The following LRRC72 variants were observed in gnomAD, a reference collection of about 807,000 sequenced individuals.
The protein encoded by LRRC72 is leucine-rich repeat-containing protein 72.
Under a neutral mutation model 35.8 loss-of-function variants are expected in LRRC72, and 41 were observed. The observed-to-expected ratio is 1.15, with a 90% confidence interval of 0.89 to 1.49. LRRC72 has a LOEUF of 1.49. LRRC72 is among the 40% of genes most tolerant of loss of function. LRRC72 has a pLI of 0.00. For missense variants in LRRC72, 389 were observed against 330.7 expected, an observed-to-expected ratio of 1.18 and a Z score of -1.37; for synonymous variants, 118 against 119.2, an observed-to-expected ratio of 0.99 and a Z score of 0.07.
chr7:16,565,565 T>A (rs1431202533), intron 5 of LRRC72, among the ~76,000 whole-genome samples: 2 of 152,188 alleles, frequency 1.3e-5, no homozygotes, highest in African/African-American at 4.8e-5. Context: ...CAACTTCTAG[T>A]TGAGGATGTT....
chr7:16,575,975 A>G (rs998567975), intron 7 of LRRC72, among the ~76,000 whole-genome samples: 1 of 152,064 alleles, frequency 6.6e-6, no homozygotes, highest in Admixed American at 6.6e-5. Context: ...AATTCTCTTT[A>G]CTCCTTTTCA....
chr7:16,549,038 T>C (rs1411851457), intron 3 of LRRC72, among the ~76,000 whole-genome samples: 1 of 152,164 alleles, frequency 6.6e-6, no homozygotes, highest in African/African-American at 2.4e-5. Flanking sequence ...GCTCAGCAAA[T>C]GTTTGCTGAG....
At chr7:16,559,358 G>T (rs975671467) in intron 5 of LRRC72, among the ~76,000 whole-genome samples, 1 of 151,458 alleles carries the variant, frequency 6.6e-6, no homozygotes, top group African/African-American at 2.4e-5. Context: ...CGCGCCACTG[G>T]ACTCTATCCT....
chr7:16,530,186 C>T (rs906451009), intron 1 of LRRC72: 3 of 152,168 alleles, frequency 2.0e-5, no homozygotes, highest in Non-Finnish European at 4.4e-5. Flanking sequence ...AATTGACTCA[C>T]TTGATTACGG....
At chr7:16,553,812 C>T (rs969683340) in intron 3 of LRRC72, among the ~76,000 whole-genome samples, 2 of 152,068 alleles carry the variant, frequency 1.3e-5, no homozygotes, top group African/African-American at 4.8e-5. Flanking sequence ...ACATTTGTAC[C>T]TAGTAGTACC....
chr7:16,536,677 G>T (rs1782264211), intron 2 of LRRC72, among the ~76,000 whole-genome samples: 1 of 151,988 alleles, frequency 6.6e-6, no homozygotes, highest in Non-Finnish European at 1.5e-5. Context: ...TTTAGAAATG[G>T]TTGCATGCTT....
intron 7 of LRRC72, among the ~76,000 whole-genome samples, chr7:16,574,459 C>T (rs1421161325): frequency 6.6e-6 from 1 of 152,162 alleles, no homozygotes; most frequent in South Asian, 2.1e-4. Flanking sequence ...CCATGGAATA[C>T]TATGCAGCCA....
At chr7:16,577,377 C>G (rs775215949) in intron 7 of LRRC72, among the ~76,000 whole-genome samples, 8 of 151,840 alleles carry the variant, frequency 5.3e-5, no homozygotes, top group Non-Finnish European at 1.0e-4. Flanking sequence ...ATACCATATA[C>G]AAAAATAGAT....
At chr7:16,556,799 A>C (rs560281887) in intron 3 of LRRC72, among the ~76,000 whole-genome samples, 5 of 152,368 alleles carry the variant, frequency 3.3e-5, no homozygotes, top group African/African-American at 1.2e-4. Flanking sequence ...GATTTCTGCA[A>C]GTGAAAACGT....
At chr7:16,527,069 A>G (rs1230422640) in intron 1 of LRRC72, 27 bp downstream of exon 1, 1 of 1,530,364 alleles carries the variant, frequency 6.5e-7, no homozygotes, top group Non-Finnish European at 8.8e-7. Context: ...TTCCCAAGCC[A>G]TCAGCCCCTT....
chr7:16,566,197 A>C, intron 5 of LRRC72, 116 bp from the exon 6 acceptor site: 1 of 600,868 alleles, frequency 1.7e-6, no homozygotes, highest in Non-Finnish European at 2.7e-6. Flanking sequence ...GATATGGAGA[A>C]GAGCTTTACA....
intron 3 of LRRC72, among the ~76,000 whole-genome samples, chr7:16,542,973 C>T (rs1782382842): frequency 6.6e-6 from 1 of 152,172 alleles, no homozygotes; most frequent in Non-Finnish European, 1.5e-5. Context: ...ATACCCAAAA[C>T]AGCTTCTGAG....
chr7:16,553,993 C>T (rs191396478), intron 3 of LRRC72, among the ~76,000 whole-genome samples: 1 of 152,130 alleles, frequency 6.6e-6, no homozygotes, highest in Non-Finnish European at 1.5e-5. Context: ...TACAGCAATC[C>T]TGGGAATCAG....
At chr7:16,538,882 C>T (rs1247858754) in intron 3 of LRRC72, among the ~76,000 whole-genome samples, 2 of 152,312 alleles carry the variant, frequency 1.3e-5, no homozygotes, top group South Asian at 2.1e-4. Context: ...TTCCTGAGGC[C>T]TCCCCAGCCA....
Position 16,552,838 on chromosome 7 carries a change from C to T in LRRC72, c.235-4522C>T, listed in dbSNP as rs115394876. 3.7e-3 allele frequency among the ~76,000 whole-genome samples: 563 copies of T among 152,256 alleles called. 3 individuals carry two copies. Among genetic ancestry groups the T allele is most frequent in the African/African-American group, 0.012 (517 of 41,550 alleles). On this transcript the variant is annotated intron_variant, in intron 3 of 8. Coordinates refer to ENST00000401542, the MANE Select transcript of LRRC72 (RefSeq NM_001195280.2). ...GGACAGTTCAGCTTCGTGTCCTGAACGTTAGTAAAGTGCAGTGGTTTCCAG... is the reference window on the plus strand; with the variant it reads ...GGACAGTTCAGCTTCGTGTCCTGAATGTTAGTAAAGTGCAGTGGTTTCCAG...
At chr7:16,549,833 A>G (rs1414716516) in intron 3 of LRRC72, among the ~76,000 whole-genome samples, 1 of 151,630 alleles carries the variant, frequency 6.6e-6, no homozygotes, top group Non-Finnish European at 1.5e-5. Context: ...ACTGTGTCCC[A>G]TATTTTATTA....
chr7:16,541,799 C>G (rs1427313318), intron 3 of LRRC72, among the ~76,000 whole-genome samples: 2 of 152,198 alleles, frequency 1.3e-5, no homozygotes, highest in Non-Finnish European at 2.9e-5. Flanking sequence ...GTAATCCCAG[C>G]TACTCGCGAA....
At chr7:16,529,776 C>T (rs944079645) in intron 1 of LRRC72, among the ~76,000 whole-genome samples, 1 of 152,204 alleles carries the variant, frequency 6.6e-6, no homozygotes, top group South Asian at 2.1e-4. Flanking sequence ...TTCCCTTTCA[C>T]CTCACATTTT....
At chr7:16,564,630 T>G (rs1481850756) in intron 5 of LRRC72, among the ~76,000 whole-genome samples, 3 of 152,212 alleles carry the variant, frequency 2.0e-5, no homozygotes. Context: ...TCCTCACTCC[T>G]GTAACTTTTG....
Sources: gnomAD v4.1 joint callset for allele counts (sites outside exome capture counted in the v4.1 genomes callset) on GRCh38, gnomAD v4.1.1 for gene constraint, MANE v1.5 for transcripts, NCBI Gene and HGNC (gene_info 2026-07-23, HGNC 2026-07-21) for gene names.